Variants in MYO5B observed in about 807,000 individuals in gnomAD.
MYO5B encodes the protein myosin VB, also known as unconventional myosin-Vb.
MYO5B carries 143 observed loss-of-function variants against 229.3 expected under a neutral mutation model. The ratio of observed to expected loss-of-function variants is 0.62; its 90% CI spans 0.54 to 0.72. The LOEUF (loss-of-function observed/expected upper bound fraction) is 0.72, where lower values mean the gene tolerates loss of function less well. Among genes scored for constraint, MYO5B ranks in the 30% least tolerant of loss-of-function variants. The probability of loss-of-function intolerance (pLI) is 0.00; values close to 1 mark genes in which losing one functional copy is unlikely to be tolerated. For synonymous variants in MYO5B, 918 were observed against 885.2 expected (o/e 1.04, Z -0.66); for missense variants, 2,321 against 2,331.0 (o/e 1.00, Z 0.09).
intron 4 of MYO5B, among the ~76,000 whole-genome samples, chr18:50,016,967 T>C (rs1053531156): frequency 8.0e-6 from 1 of 125,680 alleles, no homozygotes; most frequent in African/African-American, 3.1e-5. Flanking sequence ...TCTCTACCCC[T>C]ATCTTAAATC....
chr18:49,873,774 C>A (rs1013342296), intron 26 of MYO5B, among the ~76,000 whole-genome samples: 2 of 152,208 alleles, frequency 1.3e-5, no homozygotes, highest in African/African-American at 4.8e-5. Context: ...AGGAATCACC[C>A]TATTGGCCAA....
At position 49,970,860 on chromosome 18, in the gene MYO5B, C is replaced by T. The variant is rs141343271; in HGVS notation, c.1322+3490G>A. 3.3e-5 allele frequency: 5 copies of T among 152,306 alleles called. No homozygotes were observed. In the East Asian group the frequency reaches 9.7e-4, roughly 29 times the overall value. 9.4% of individuals were successfully genotyped at this position (152,306 alleles called of 1,614,324 possible). The stretch of plus-strand genomic sequence containing the variant: ...TTCCAACCTGAGAGGGAGGCAATGT[C>T]TCGTTCTTTTCCACTTCCCGGATGT... On this transcript the variant is annotated intron_variant, in intron 10 of 39. Transcript: ENST00000285039.
intron 8 of MYO5B, 89 bp from the exon 9 acceptor site, chr18:49,980,642 A>G: frequency 1.1e-6 from 1 of 938,320 alleles, no homozygotes; most frequent in Non-Finnish European, 1.7e-6. Flanking sequence ...TTTTTTTTTT[A>G]ATAAGGTTTG....
rs146788616 is a variant in MYO5B, at chr18:49,843,473, C to T, written c.4460-81G>A. The T allele has an allele frequency of 1.4e-4, 215 of 1,518,044 alleles. 2 individuals are homozygous for T. In the East Asian group the frequency reaches 3.4e-3, roughly 24 times the overall value. 94.0% of individuals were successfully genotyped at this position (1,518,044 alleles called of 1,614,324 possible). ...CTGTCAGAATCCTCATCTGAATAGA[C>T]GTGTTTTCAATATTTCCCCATAGCT... is the stretch of plus-strand genomic sequence containing the variant. On this transcript the variant is annotated intron_variant, in intron 33 of 39. Coordinates refer to ENST00000285039, the MANE Select transcript of MYO5B (RefSeq NM_001080467.3).
chr18:49,839,802 C>A, intron 35 of MYO5B: 1 of 191,342 alleles, frequency 5.2e-6, no homozygotes, highest in South Asian at 1.1e-4. Flanking sequence ...CGCACTGTGT[C>A]CTCTTAGCTT....
intron 17 of MYO5B, among the ~76,000 whole-genome samples, chr18:49,914,795 AAAAG>A (rs2024994817): frequency 6.7e-6 from 1 of 149,462 alleles, no homozygotes; most frequent in African/African-American, 2.5e-5. Flanking sequence ...AAAAAAAAAG[AAAAG>A]AAAGAAAGAA....
chr18:50,074,674 C>A (rs564186617), intron 1 of MYO5B, among the ~76,000 whole-genome samples: 1 of 152,254 alleles, frequency 6.6e-6, no homozygotes, highest in South Asian at 2.1e-4. Flanking sequence ...TTTTCCCGAC[C>A]AACTAATGTA....
intron 1 of MYO5B, among the ~76,000 whole-genome samples, chr18:50,191,789 C>T (rs1437991444): frequency 6.6e-6 from 1 of 152,068 alleles, no homozygotes; most frequent in East Asian, 1.9e-4. Context: ...CTTGTTATAA[C>T]AAGTATGAAT....
At chr18:49,961,877 T>C (rs1003454112) in intron 12 of MYO5B, among the ~76,000 whole-genome samples, 1 of 152,144 alleles carries the variant, frequency 6.6e-6, no homozygotes, top group Non-Finnish European at 1.5e-5. Context: ...ACTCTATCAC[T>C]CACAAGCCAT....
intron 2 of MYO5B, among the ~76,000 whole-genome samples, chr18:50,044,880 G>A (rs1329026553): frequency 6.6e-6 from 1 of 151,618 alleles, no homozygotes; most frequent in Non-Finnish European, 1.5e-5. Context: ...ATTTAAAGGG[G>A]AAAGAGCAAG....
chr18:50,164,012 G>C (rs2032807746), intron 1 of MYO5B, among the ~76,000 whole-genome samples: 4 of 152,282 alleles, frequency 2.6e-5, no homozygotes, highest in Middle Eastern at 6.8e-3. Flanking sequence ...AGTTATCAGA[G>C]GTACAACATT....
intron 2 of MYO5B, among the ~76,000 whole-genome samples, chr18:50,051,801 C>T (rs1314517455): frequency 6.6e-6 from 1 of 152,218 alleles, no homozygotes; most frequent in Non-Finnish European, 1.5e-5. Context: ...TATGATTCCA[C>T]TTCTGTGAGG....
chr18:50,151,403 G>A (rs922804857), intron 1 of MYO5B, among the ~76,000 whole-genome samples: 5 of 152,108 alleles, frequency 3.3e-5, no homozygotes, highest in African/African-American at 1.2e-4. Context: ...GAGCCATTCT[G>A]GGTCTCAGCA....
intron 1 of MYO5B, among the ~76,000 whole-genome samples, chr18:50,109,979 G>A (rs2031836373): frequency 6.6e-6 from 1 of 152,090 alleles, no homozygotes; most frequent in Admixed American, 6.5e-5. Context: ...GCCCTACCCA[G>A]TCTGGCCTCT....
intron 25 of MYO5B, chr18:49,876,132 T>G (rs1226438078): frequency 5.0e-6 from 2 of 399,624 alleles, no homozygotes; most frequent in African/African-American, 2.1e-5. Flanking sequence ...CACAGGCACT[T>G]TCTTTGGAAG....
chr18:49,923,105 A>G (rs116177700), intron 17 of MYO5B, among the ~76,000 whole-genome samples: 1,723 of 152,272 alleles, frequency 0.011, 35 homozygotes, highest in African/African-American at 0.04. Flanking sequence ...AGCGGCCAGA[A>G]AAGCCCTCTG....
chr18:49,996,921 T>C (rs2025994056), intron 5 of MYO5B, among the ~76,000 whole-genome samples: 1 of 152,220 alleles, frequency 6.6e-6, no homozygotes, highest in South Asian at 2.1e-4. Flanking sequence ...TGGTAAGGTG[T>C]ACTGGGAGCA....
intron 7 of MYO5B, among the ~76,000 whole-genome samples, chr18:49,988,506 C>T (rs75641343): frequency 0.026 from 3,987 of 152,284 alleles, 170 homozygotes; most frequent in African/African-American, 0.091. Context: ...TCATGTTTAA[C>T]CTCAATATGA....
intron 1 of MYO5B, among the ~76,000 whole-genome samples, chr18:50,075,212 G>T (rs2031051750): frequency 6.6e-6 from 1 of 152,148 alleles, no homozygotes; most frequent in Middle Eastern, 3.2e-3. Flanking sequence ...CCTTGCCCCA[G>T]TGCTAATATT....
Sources: allele counts gnomAD v4.1 joint callset (sites outside exome capture counted in the v4.1 genomes callset), GRCh38; gene constraint gnomAD v4.1.1; transcripts MANE v1.5; gene names NCBI Gene and HGNC (gene_info 2026-07-23, HGNC 2026-07-21).